Variants in KCTD20 observed in about 807,000 individuals in gnomAD.
KCTD20 encodes BTB/POZ domain-containing protein KCTD20.
In KCTD20, 30 loss-of-function variants were observed where a neutral mutation model predicts 39.6. The observed-to-expected ratio is 0.76, with a 90% CI of 0.57 to 1.03. KCTD20 has a LOEUF of 1.03. Ranked by LOEUF, KCTD20 falls within the 50% of genes least tolerant of loss-of-function variation. The pLI, the probability that KCTD20 is intolerant of heterozygous loss-of-function variation, is 0.00. For missense variants in KCTD20, 422 were observed against 522.0 expected (o/e 0.81, Z 1.87); for synonymous variants, 162 against 180.6 (o/e 0.90, Z 0.83).
chr6:36,486,353 C>G (rs1776423499), intron 7 of KCTD20, among the ~76,000 whole-genome samples: 1 of 152,240 alleles, frequency 6.6e-6, no homozygotes, highest in Non-Finnish European at 1.5e-5. Flanking sequence ...AACGGCCTCC[C>G]TCTCCTGCCT....
In KCTD20 at chr6:36,484,442, C is replaced by T. The variant is rs191373537; in HGVS notation, c.857-272C>T. On this transcript the variant is annotated intron_variant, in intron 6 of 7. Transcript: ENST00000373731. ...TCAGTGTCTTTTTAGCTTTGGTAAA[C>T]GGTTTAGGCTATGCAGAGATGTTGT... Among the ~76,000 whole-genome samples the T allele has an allele frequency of 1.8e-4, 27 of 152,070 alleles. No homozygotes were observed. In the East Asian group the frequency reaches 3.3e-3, roughly 19 times the overall value.
chr6:36,451,819 A>G (rs533290049), intron 1 of KCTD20, among the ~76,000 whole-genome samples: 9 of 151,286 alleles, frequency 5.9e-5, no homozygotes, highest in African/African-American at 9.7e-5. Flanking sequence ...ACAGATTTCT[A>G]TTTATTTATT....
intron 2 of KCTD20, 127 bp downstream of exon 2, chr6:36,470,384 C>A: frequency 2.3e-6 from 2 of 863,294 alleles, no homozygotes; most frequent in Non-Finnish European, 3.5e-6. Context: ...TTGCATGTCA[C>A]AATTACATAA....
rs1431509649 is a variant in KCTD20 at position 36,487,858 on chromosome 6, G to C, written c.*683G>C. 3.9e-5 allele frequency: 6 copies of C among 152,156 alleles called. No homozygotes were observed. The highest frequency in any genetic ancestry group is 3.8e-4 in the East Asian group (2 of 5,196). 9.4% of individuals were successfully genotyped at this position (152,156 alleles called of 1,614,324 possible). A position where few individuals can be genotyped will look rare whatever the true frequency, so the allele number is the denominator to read the frequency against. ...TTGATGAGACCTTTTTAGCTTCAAG[G>C]TTTCGGAGTCTAAACAAATGGATGA... On this transcript the variant is annotated 3_prime_UTR_variant, in exon 8 of 8. Transcript: ENST00000373731.
At chr6:36,458,322 T>G (rs1488652946) in intron 1 of KCTD20, among the ~76,000 whole-genome samples, 1 of 151,708 alleles carries the variant, frequency 6.6e-6, no homozygotes, top group African/African-American at 2.4e-5. Context: ...GCGGATCACC[T>G]GAGGTCGAGA....
At chr6:36,485,664 C>T (rs1776397053) in intron 7 of KCTD20, among the ~76,000 whole-genome samples, 3 of 151,772 alleles carry the variant, frequency 2.0e-5, no homozygotes, top group Admixed American at 2.0e-4. Flanking sequence ...CGGCTAATTT[C>T]TTGTATTTTT....
chr6:36,463,818 T>C (rs1400016519), intron 1 of KCTD20, among the ~76,000 whole-genome samples: 7 of 152,192 alleles, frequency 4.6e-5, no homozygotes, highest in African/African-American at 1.7e-4. Context: ...CTCAGGCATT[T>C]TGTTTATAGC....
intron 1 of KCTD20, among the ~76,000 whole-genome samples, chr6:36,447,617 G>A (rs1194945284): frequency 7.3e-5 from 11 of 151,190 alleles, no homozygotes; most frequent in East Asian, 1.9e-4. Flanking sequence ...GCAACAGAGC[G>A]AGACTCTGTC....
At chr6:36,450,487 CAAAA>C (rs56825740) in intron 1 of KCTD20, among the ~76,000 whole-genome samples, 1 of 122,398 alleles carries the variant, frequency 8.2e-6, no homozygotes. Context: ...GACTCTGTCT[CAAAA>C]AAAAAAAAAA....
intron 2 of KCTD20, 148 bp from the exon 3 acceptor site, chr6:36,474,641 G>T: frequency 1.7e-6 from 1 of 598,030 alleles, no homozygotes; most frequent in Admixed American, 3.7e-5. Flanking sequence ...CTTTTTACTT[G>T]CTGTAGGCAA....
chr6:36,481,719 T>A lies in KCTD20; in HGVS notation c.816T>A (p.Asp272Glu). 6.2e-7 allele frequency: 1 copy of A among 1,614,230 alleles called. No homozygotes were observed. Among genetic ancestry groups the A allele is most frequent in the South Asian group, 1.1e-5 (1 of 91,086 alleles). ...CGGATGAGGATTCTGTGGACTGGGA[T>A]GAAGACCACCCTCCACCAATGGGGG... The part of the protein sequence containing the change: ...VLTDEDSVDW[D>E]EDHPPPMGEE... The change falls in exon 6 of 8, where the codon GAT (aspartate) becomes GAA (glutamate). Residue 272 changes from aspartate to glutamate, a missense_variant. Physicochemically the swap from Asp to Glu is conservative, Grantham distance 45. Coordinates refer to ENST00000373731, the MANE Select transcript of KCTD20 (RefSeq NM_173562.5).
intron 1 of KCTD20, among the ~76,000 whole-genome samples, chr6:36,449,181 C>T (rs145707428): frequency 7.9e-5 from 12 of 152,290 alleles, no homozygotes; most frequent in Admixed American, 2.6e-4. Context: ...TGGCCCTGTC[C>T]GTGTCCTGCT....
chr6:36,473,907 CTGAGAG>C (rs1364796674), intron 2 of KCTD20, among the ~76,000 whole-genome samples: 2 of 152,128 alleles, frequency 1.3e-5, no homozygotes, highest in African/African-American at 4.8e-5. Flanking sequence ...AACTTTTCTG[CTGAGAG>C]TAAGACCTGC....
rs190108088 is a variant in KCTD20 at position 36,489,469 on chromosome 6, G to A, written c.*2294G>A. ...GTGACGGTAGGCTTTCTAGTGTCAC[G>A]AGGTGGTGGTGACTGAAGGAAAAGC... On this transcript the variant is annotated 3_prime_UTR_variant, in exon 8 of 8. Transcript: ENST00000373731. The A allele has an allele frequency of 8.5e-5, 13 of 152,264 alleles. No homozygotes were observed. The East Asian group carries it at 1.9e-3, about 23-fold the overall frequency. 9.4% of individuals were successfully genotyped at this position (152,264 alleles called of 1,614,324 possible). A position where few individuals can be genotyped will look rare whatever the true frequency, so the allele number is the denominator to read the frequency against.
intron 1 of KCTD20, among the ~76,000 whole-genome samples, chr6:36,445,651 A>T (rs1243490123): frequency 2.0e-5 from 3 of 152,198 alleles, no homozygotes; most frequent in Non-Finnish European, 2.9e-5. Context: ...TAGAGATATA[A>T]AGGAGCTTAT....
chr6:36,445,117 C>T (rs1774998434), intron 1 of KCTD20, among the ~76,000 whole-genome samples: 1 of 152,012 alleles, frequency 6.6e-6, no homozygotes, highest in Non-Finnish European at 1.5e-5. Flanking sequence ...CAAAAATAAG[C>T]CAGGCATGGT....
At position 36,471,903 on chromosome 6, in the gene KCTD20, C is replaced by T. The variant is rs370688852; in HGVS notation, c.160+1646C>T. On this transcript the variant is annotated intron_variant, in intron 2 of 7. Coordinates refer to ENST00000373731, the MANE Select transcript of KCTD20 (RefSeq NM_173562.5). ...TCGCTCTGTTGCCCAGGCTGGAGTG[C>T]GGTGGCGCGATCTCGGCTCACTGCA... 1.7e-4 allele frequency among the ~76,000 whole-genome samples: 26 copies of T among 149,512 alleles called. No individual in the cohort carries two copies. In the East Asian group the frequency reaches 4.5e-3, roughly 26 times the overall value.
In KCTD20 at chr6:36,470,049, C is replaced by T. The variant is rs1054590008; in HGVS notation, c.-46-3C>T. ...CTAAATCATGCATATTCCTGTGTTC[C>T]AGGATTTCTCTCTGATCAAACGGAC... On this transcript the variant is annotated splice_polypyrimidine_tract_variant and splice_region_variant and intron_variant, in intron 1 of 7. Transcript: ENST00000373731. 4 of 1,475,732 alleles carry T rather than the reference C, an allele frequency of 2.7e-6. No homozygotes were observed. Among genetic ancestry groups the T allele is most frequent in the African/African-American group, 1.4e-5 (1 of 71,034 alleles). 91.4% of individuals were successfully genotyped at this position (1,475,732 alleles called of 1,614,324 possible). A position where few individuals can be genotyped will look rare whatever the true frequency, so the allele number is the denominator to read the frequency against.
chr6:36,443,934 G>A (rs1473354666), intron 1 of KCTD20, among the ~76,000 whole-genome samples: 1 of 152,124 alleles, frequency 6.6e-6, no homozygotes, highest in African/African-American at 2.4e-5. Context: ...GTTCCTGTTC[G>A]CTGTGCGAGA....
Sources: gnomAD v4.1 joint callset for allele counts (sites outside exome capture counted in the v4.1 genomes callset) on GRCh38, gnomAD v4.1.1 for gene constraint, MANE v1.5 for transcripts, NCBI Gene and HGNC (gene_info 2026-07-23, HGNC 2026-07-21) for gene names.